The following QSER1 variants were observed in gnomAD, a reference collection of about 807,000 sequenced individuals.
QSER1 encodes glutamine and serine-rich protein 1.
QSER1 carries 49 observed loss-of-function variants against 158.5 expected under a neutral mutation model. The observed-to-expected ratio is 0.31, with a 90% CI of 0.25 to 0.39. The LOEUF is 0.39. Ranked by LOEUF, QSER1 falls within the 10% of genes least tolerant of loss-of-function variation. The pLI is 1.00. For missense variants in QSER1, 1,754 were observed against 2,010.3 expected (o/e 0.87, Z 2.44); for synonymous variants, 650 against 715.5 (o/e 0.91, Z 1.46).
At chr11:32,938,588 T>C (rs1157440586) in intron 4 of QSER1, among the ~76,000 whole-genome samples, 1 of 152,208 alleles carries the variant, frequency 6.6e-6, no homozygotes, top group Non-Finnish European at 1.5e-5. Context: ...CAAATACTTG[T>C]AATATTTTCT....
In QSER1 at chr11:32,934,786, C is replaced by A; in HGVS notation, c.3528C>A (p.Ala1176=). 1 of 1,614,018 alleles carries A rather than the reference C, an allele frequency of 6.2e-7. No homozygotes were observed. The stretch of plus-strand genomic sequence containing the variant: ...CTAGGAGTGCACTTGCACTGTTGGC[C>A]ATGGCCCAATCTGGGGATGCAGTCA... The part of the protein sequence containing the change: ...NPARSALALL[A]MAQSGDAVSV... The change falls in exon 4 of 13, where the codon GCC becomes GCA. Residue 1176 remains alanine, a synonymous_variant. Coordinates refer to ENST00000650167, the MANE Select transcript of QSER1 (RefSeq NM_001076786.3).
At position 32,932,659 on chromosome 11, in the gene QSER1, T is replaced by C. The variant is rs1301071743; in HGVS notation, c.1401T>C (p.Val467=). The change falls in exon 4 of 13, where the codon GTT becomes GTC. Residue 467 remains valine, a synonymous_variant. Transcript: ENST00000650167. ...CGCAGCTACCAAGCCTTTTATCAGT[T>C]AGTCAGTCCCAAAATTACGGTTTAG... ...STAQLPSLLS[V]SQSQNYGLVQ... is the part of the protein sequence containing the mutation. 3 of 1,614,086 alleles carry C rather than the reference T, an allele frequency of 1.9e-6. No individual in the cohort carries two copies. Among genetic ancestry groups the C allele is most frequent in the South Asian group, 1.1e-5 (1 of 91,088 alleles).
At chr11:32,931,715 TA>T in intron 3 of QSER1, 27 bp from the exon 4 acceptor site, 1 of 1,514,218 alleles carries the variant, frequency 6.6e-7, no homozygotes, top group Non-Finnish European at 8.9e-7. Flanking sequence ...CATAATTACA[TA>T]AAAATCTTTG....
chr11:32,954,849 CT>C (rs1852485028), intron 5 of QSER1, among the ~76,000 whole-genome samples: 1 of 152,154 alleles, frequency 6.6e-6, no homozygotes, highest in Non-Finnish European at 1.5e-5. Context: ...CCACTTTTGC[CT>C]TTTTAAAAAA....
chr11:32,953,053 G>A (rs1031010670), intron 4 of QSER1, among the ~76,000 whole-genome samples: 6 of 151,870 alleles, frequency 4.0e-5, no homozygotes, highest in Non-Finnish European at 7.4e-5. Flanking sequence ...TGCCCGCCTT[G>A]GCCTCCCAAA....
chr11:32,934,093 T>C lies in QSER1; in HGVS notation c.2835T>C (p.Ser945=), dbSNP rs759643917. The change falls in exon 4 of 13, where the codon AGT becomes AGC. Residue 945 remains serine, a synonymous_variant. Transcript: ENST00000650167. ...QQHLTTKGHF[S]ETNQHDSKNQ... is the part of the protein sequence containing the mutation. Reference sequence around the variant, plus strand: ...ATCTAACAACAAAGGGCCATTTTAGTGAAACAAATCAACATGATTCAAAGA... The same window carrying C: ...ATCTAACAACAAAGGGCCATTTTAGCGAAACAAATCAACATGATTCAAAGA... 38 of 1,613,896 alleles carry C rather than the reference T, an allele frequency of 2.4e-5. No homozygotes were observed. The highest frequency in any genetic ancestry group is 7.7e-5 in the South Asian group (7 of 91,082).
At chr11:32,943,871 C>G (rs1469150933) in intron 4 of QSER1, among the ~76,000 whole-genome samples, 1 of 151,824 alleles carries the variant, frequency 6.6e-6, no homozygotes, top group Non-Finnish European at 1.5e-5. Context: ...GTCCTGGACT[C>G]TTTTTGGTTG....
At chr11:32,894,396 A>G (rs1439126711) in intron 1 of QSER1, among the ~76,000 whole-genome samples, 1 of 152,190 alleles carries the variant, frequency 6.6e-6, no homozygotes, top group Non-Finnish European at 1.5e-5. Context: ...TTCTGATTAC[A>G]TGGACCAGGG....
At chr11:32,924,580 GGAATA>G (rs964726817) in intron 1 of QSER1, among the ~76,000 whole-genome samples, 37 of 133,108 alleles carry the variant, frequency 2.8e-4, no homozygotes, top group Non-Finnish European at 4.7e-4. Context: ...AAAAAAAAAA[GGAATA>G]AATAAAGACA....
chr11:32,922,158 A>C (rs1204781649), intron 1 of QSER1, among the ~76,000 whole-genome samples: 1 of 152,192 alleles, frequency 6.6e-6, no homozygotes, highest in African/African-American at 2.4e-5. Flanking sequence ...AGAAAACAGA[A>C]AATCTTTGAG....
intron 11 of QSER1, among the ~76,000 whole-genome samples, chr11:32,973,939 GTA>G (rs1488741554): frequency 1.6e-4 from 25 of 152,234 alleles, no homozygotes; most frequent in African/African-American, 6.0e-4. Flanking sequence ...TGTAATATAG[GTA>G]TATTTTTAAT....
intron 4 of QSER1, among the ~76,000 whole-genome samples, chr11:32,941,942 T>A (rs1852245855): frequency 6.6e-6 from 1 of 152,034 alleles, no homozygotes; most frequent in Admixed American, 6.6e-5. Context: ...TGTCAGATGG[T>A]ATCTCATTGT....
chr11:32,943,390 T>A (rs1336798128), intron 4 of QSER1, among the ~76,000 whole-genome samples: 1 of 151,760 alleles, frequency 6.6e-6, no homozygotes, highest in Non-Finnish European at 1.5e-5. Flanking sequence ...TAGCTCTTAT[T>A]ATTTTGAAAT....
Position 32,978,004 on chromosome 11 carries a change from A to T in QSER1, c.*1530A>T, listed in dbSNP as rs1853006888. ...GTAAACTGGCAAAGAATTGAAGGTA[A>T]TGTGATTTGATTTGAGAATAAAACA... On this transcript the variant is annotated 3_prime_UTR_variant, in exon 13 of 13. Coordinates refer to ENST00000650167, the MANE Select transcript of QSER1 (RefSeq NM_001076786.3). 1 of 152,598 alleles carries T rather than the reference A, an allele frequency of 6.6e-6. No individual in the cohort carries two copies. The highest frequency in any genetic ancestry group is 2.1e-4 in the South Asian group (1 of 4,834). The allele number at this position is 152,598 out of a possible 1,614,324, so 9.5% of individuals were successfully genotyped here.
rs374587951 is a variant in QSER1, at chr11:32,956,606, A to T, written c.4751+485A>T. ...TGGGTTGTCTGGAGCATGAATCTGG[A>T]AGATAACTGACTTGACCCTGTGGTC... On this transcript the variant is annotated intron_variant, in intron 7 of 12. Transcript: ENST00000650167. Among the ~76,000 whole-genome samples, 8 of 152,298 alleles carry T rather than the reference A, an allele frequency of 5.3e-5. No individual in the cohort carries two copies. In the East Asian group the frequency reaches 1.5e-3, roughly 29 times the overall value.
At position 32,951,927 on chromosome 11, in the gene QSER1, T is replaced by A. The variant is rs1332284158; in HGVS notation, c.4178-1930T>A. ...ATCGTGGCTCACTGCAACCTCCGCC[T>A]CCCAGATTCAAGCAATTCTCCTGCC... On this transcript the variant is annotated intron_variant, in intron 4 of 12. Coordinates refer to ENST00000650167, the MANE Select transcript of QSER1 (RefSeq NM_001076786.3). Among the ~76,000 whole-genome samples the A allele has an allele frequency of 3.3e-5, 5 of 149,868 alleles. 1 individual carries two copies. In the Admixed American group the frequency reaches 3.4e-4, roughly 10 times the overall value.
At chr11:32,936,291 G>T (rs1481431141) in intron 4 of QSER1, among the ~76,000 whole-genome samples, 1 of 151,040 alleles carries the variant, frequency 6.6e-6, no homozygotes, top group Non-Finnish European at 1.5e-5. Flanking sequence ...GTGGTGTTTG[G>T]TTTTTTGTCC....
intron 1 of QSER1, among the ~76,000 whole-genome samples, chr11:32,909,442 A>AT (rs550466678): frequency 0.027 from 3,732 of 140,566 alleles, 56 homozygotes; most frequent in South Asian, 0.042. Flanking sequence ...ACTCTAGATC[A>AT]TTTTTTTTTT....
intron 1 of QSER1, among the ~76,000 whole-genome samples, chr11:32,902,114 T>C (rs1851633614): frequency 6.6e-6 from 1 of 152,024 alleles, no homozygotes; most frequent in East Asian, 1.9e-4. Context: ...ACATAAAATC[T>C]CTGTTCTTGT....
Sources: allele counts gnomAD v4.1 joint callset (sites outside exome capture counted in the v4.1 genomes callset), GRCh38; gene constraint gnomAD v4.1.1; transcripts MANE v1.5; gene names NCBI Gene and HGNC (gene_info 2026-07-23, HGNC 2026-07-21).